Variants in VEPH1 observed in about 807,000 individuals in gnomAD.
VEPH1 encodes ventricular zone-expressed PH domain-containing protein homolog 1.
In VEPH1, 80 loss-of-function variants were observed where a neutral mutation model predicts 85.2. The ratio of observed to expected loss-of-function variants is 0.94; its 90% CI spans 0.78 to 1.13. The LOEUF (loss-of-function observed/expected upper bound fraction) is 1.13. Ranked by LOEUF, VEPH1 falls within the 50% of genes most tolerant of loss-of-function variation. VEPH1 has a pLI of 0.00. For synonymous variants in VEPH1, 297 were observed against 348.0 expected, an observed-to-expected ratio of 0.85 and a Z score of 1.63; for missense variants, 955 against 980.5, an observed-to-expected ratio of 0.97 and a Z score of 0.35.
intron 9 of VEPH1, among the ~76,000 whole-genome samples, chr3:157,340,343 C>T (rs181485676): frequency 2.4e-3 from 371 of 152,332 alleles, no homozygotes; most frequent in African/African-American, 8.0e-3. Flanking sequence ...ACTTTTCCAA[C>T]AGTCTTAGCA....
intron 9 of VEPH1, among the ~76,000 whole-genome samples, chr3:157,335,380 A>T (rs1003653574): frequency 1.3e-5 from 2 of 151,664 alleles, no homozygotes; most frequent in African/African-American, 4.8e-5. Flanking sequence ...CTGGGCAACA[A>T]GGAGGCCCTA....
intron 6 of VEPH1, among the ~76,000 whole-genome samples, chr3:157,407,525 A>C (rs1382495226): frequency 6.6e-6 from 1 of 152,212 alleles, no homozygotes; most frequent in Non-Finnish European, 1.5e-5. Flanking sequence ...TTCCTAAAAA[A>C]GAAAAATTGT....
In VEPH1 at chr3:157,293,216, C is replaced by T. The variant is rs532404968; in HGVS notation, c.2011-6542G>A. On this transcript the variant is annotated intron_variant, in intron 11 of 13. Coordinates refer to ENST00000362010, the MANE Select transcript of VEPH1 (RefSeq NM_001167912.2). ...GAGGTAGGCCATGGGGGAGCAGACT[C>T]TAAGCAGAGGCAGCAGGGCACTGAT... Among the ~76,000 whole-genome samples the T allele has an allele frequency of 1.8e-3, 273 of 152,214 alleles. 2 individuals are homozygous for T. Among genetic ancestry groups the T allele is most frequent in the Middle Eastern group, 0.017 (5 of 294 alleles).
intron 9 of VEPH1, among the ~76,000 whole-genome samples, chr3:157,339,787 C>G (rs1559972219): frequency 6.6e-6 from 1 of 152,146 alleles, no homozygotes; most frequent in Non-Finnish European, 1.5e-5. Context: ...TCTTAGACCC[C>G]TTGACTCACT....
chr3:157,369,180 G>GAAGA (rs1553773036), intron 7 of VEPH1, among the ~76,000 whole-genome samples: 114 of 42,790 alleles, frequency 2.7e-3, no homozygotes, highest in African/African-American at 9.3e-3. Context: ...AAAACCAAAT[G>GAAGA]AAAAAAAAAA....
intron 2 of VEPH1, among the ~76,000 whole-genome samples, chr3:157,488,346 T>C (rs767358849): frequency 6.6e-6 from 1 of 152,152 alleles, no homozygotes; most frequent in Non-Finnish European, 1.5e-5. Flanking sequence ...CCAGTCATAA[T>C]GACCTTCATG....
At chr3:157,342,008 A>G (rs1723625423) in intron 9 of VEPH1, among the ~76,000 whole-genome samples, 1 of 152,246 alleles carries the variant, frequency 6.6e-6, no homozygotes, top group Non-Finnish European at 1.5e-5. Context: ...CCTGCCCTAC[A>G]AGAGCTCCTG....
At position 157,302,922 on chromosome 3, in the gene VEPH1, A is replaced by AGT. The variant is rs541687383; in HGVS notation, c.2010+10698_2010+10699insAC. ...ATCCACTGTGATACAGGAGGAAGAA[A>AGT]ATATAACTTTCATTTCTATTTATTT... On this transcript the variant is annotated intron_variant, in intron 11 of 13. Transcript: ENST00000362010. 3.5e-4 allele frequency among the ~76,000 whole-genome samples: 25 copies of AGT among 71,096 alleles called. 2 individuals are homozygous for AGT. The South Asian group carries it at 0.012, about 33-fold the overall frequency. 46.6% of individuals were successfully genotyped at this position (71,096 alleles called of 152,430 possible).
intron 10 of VEPH1, among the ~76,000 whole-genome samples, chr3:157,316,325 G>T (rs771778654): frequency 6.6e-6 from 1 of 151,536 alleles, no homozygotes; most frequent in Non-Finnish European, 1.5e-5. Context: ...GCTTCTAGCT[G>T]CATAAAATAA....
At chr3:157,455,920 T>C (rs142314172) in intron 4 of VEPH1, among the ~76,000 whole-genome samples, 14 of 152,358 alleles carry the variant, frequency 9.2e-5, no homozygotes, top group African/African-American at 3.4e-4. Context: ...TGGAACAATT[T>C]ATATTTCTTT....
chr3:157,428,533 G>A (rs1165550428), intron 4 of VEPH1, 45 bp from the exon 5 acceptor site: 2 of 1,572,488 alleles, frequency 1.3e-6, no homozygotes, highest in East Asian at 2.2e-5. Context: ...ATCAGGCCAT[G>A]AGCAACAGAA....
chr3:157,450,214 C>T (rs1223509654), intron 4 of VEPH1, among the ~76,000 whole-genome samples: 1 of 151,766 alleles, frequency 6.6e-6, no homozygotes, highest in Non-Finnish European at 1.5e-5. Context: ...CACCACCAAG[C>T]CCAGATAAAT....
chr3:157,400,926 G>T (rs1367498773), intron 6 of VEPH1, among the ~76,000 whole-genome samples: 2 of 152,104 alleles, frequency 1.3e-5, no homozygotes, highest in Non-Finnish European at 2.9e-5. Context: ...GACCCAGAAT[G>T]AATTATACTT....
At chr3:157,436,984 C>A (rs867686547) in intron 4 of VEPH1, 1 of 1,613,848 alleles carries the variant, frequency 6.2e-7, no homozygotes, top group Non-Finnish European at 8.5e-7. Flanking sequence ...CAGTGTTGGC[C>A]GAGAACTCGG....
chr3:157,423,121 T>C (rs1732476424), intron 5 of VEPH1, among the ~76,000 whole-genome samples: 1 of 152,238 alleles, frequency 6.6e-6, no homozygotes, highest in South Asian at 2.1e-4. Flanking sequence ...CTTAATTCAA[T>C]AACTTTTTAT....
intron 9 of VEPH1, among the ~76,000 whole-genome samples, chr3:157,361,726 T>C (rs1332707950): frequency 1.3e-5 from 2 of 152,190 alleles, no homozygotes; most frequent in East Asian, 3.8e-4. Context: ...GAAAAGTGAG[T>C]CTGCCCTAGC....
chr3:157,483,704 G>A (rs1267173355), intron 2 of VEPH1, among the ~76,000 whole-genome samples: 1 of 152,016 alleles, frequency 6.6e-6, no homozygotes, highest in Non-Finnish European at 1.5e-5. Flanking sequence ...ACATAGAGAT[G>A]GAAAATATAA....
intron 11 of VEPH1, among the ~76,000 whole-genome samples, chr3:157,311,227 A>G (rs1206366527): frequency 6.6e-6 from 1 of 152,204 alleles, no homozygotes; most frequent in East Asian, 1.9e-4. Flanking sequence ...AGCAACCACA[A>G]TAACAAACTT....
At chr3:157,493,475 G>A (rs1331400746) in intron 2 of VEPH1, among the ~76,000 whole-genome samples, 3 of 152,150 alleles carry the variant, frequency 2.0e-5, no homozygotes, top group African/African-American at 7.2e-5. Context: ...AGGAGCTGCT[G>A]GCATTGGTAA....
Sources: gnomAD v4.1 joint callset for allele counts (sites outside exome capture counted in the v4.1 genomes callset) on GRCh38, gnomAD v4.1.1 for gene constraint, MANE v1.5 for transcripts, NCBI Gene and HGNC (gene_info 2026-07-23, HGNC 2026-07-21) for gene names.